Variants in COL12A1 observed in about 807,000 individuals in gnomAD.
The protein encoded by COL12A1 is collagen alpha-1(XII) chain.
In COL12A1, 114 loss-of-function variants were observed where a neutral mutation model predicts 349.7. The ratio of observed to expected loss-of-function variants is 0.33; its 90% CI spans 0.28 to 0.38. The LOEUF (loss-of-function observed/expected upper bound fraction) is 0.38, where lower values mean the gene tolerates loss of function less well. COL12A1 is among the 10% of genes least tolerant of loss of function. COL12A1 has a pLI of 1.00. For synonymous variants in COL12A1, 1,369 were observed against 1,329.0 expected (o/e 1.03, Z -0.66); for missense variants, 3,284 against 3,756.9 (o/e 0.87, Z 3.29).
intron 12 of COL12A1, among the ~76,000 whole-genome samples, chr6:75,176,475 G>A (rs911678967): frequency 1.3e-5 from 2 of 150,496 alleles, no homozygotes; most frequent in African/African-American, 4.9e-5. Flanking sequence ...TGACGCAGTG[G>A]GGGAGGAGGG....
At chr6:75,164,840 C>CA (rs141997276) in intron 14 of COL12A1, among the ~76,000 whole-genome samples, 4,214 of 144,780 alleles carry the variant, frequency 0.029, 164 homozygotes, top group African/African-American at 0.095. Context: ...TAATTATTTA[C>CA]AAAAAAAAAA....
chr6:75,093,370 G>A (rs1033476876), intron 60 of COL12A1, among the ~76,000 whole-genome samples: 6 of 152,180 alleles, frequency 3.9e-5, no homozygotes, highest in Non-Finnish European at 7.3e-5. Flanking sequence ...TTAGCAAGAA[G>A]ATATCAACTG....
At chr6:75,137,613 G>A (rs182109428) in intron 30 of COL12A1, 34 bp from the exon 31 acceptor site, 100 of 1,612,164 alleles carry the variant, frequency 6.2e-5, no homozygotes, top group Non-Finnish European at 7.9e-5. Flanking sequence ...TGAGTAAGCA[G>A]ACAGAACAAT....
intron 10 of COL12A1, 92 bp from the exon 11 acceptor site, chr6:75,181,303 T>C: frequency 7.9e-7 from 1 of 1,270,864 alleles, no homozygotes; most frequent in South Asian, 1.5e-5. Context: ...ATGGCTTACA[T>C]TAATTTGGGA....
intron 2 of COL12A1, among the ~76,000 whole-genome samples, chr6:75,197,315 T>TTTCC (rs10622845): frequency 1.6e-5 from 2 of 121,780 alleles, no homozygotes; most frequent in African/African-American, 3.1e-5. Context: ...TTTCTTTTCT[T>TTTCC]TTTTTTTTTT....
At position 75,155,774 on chromosome 6, in the gene COL12A1, G is replaced by C. The variant is rs1272550670; in HGVS notation, c.3331C>G (p.Pro1111Ala). The C allele has an allele frequency of 9.3e-6, 15 of 1,613,504 alleles. No homozygotes were observed. The highest frequency in any genetic ancestry group is 1.3e-5 in the Non-Finnish European group (15 of 1,179,650). The change falls in exon 16 of 66, where the codon CCT becomes GCT. Residue 1111 changes from proline (P) to alanine (A), a missense_variant. Pro to Ala is a conservative substitution (Grantham distance 27). This residue lies in a region of COL12A1 where 2,601 missense variants were observed against 2,824.8 expected (regional missense o/e 0.92). Transcript: ENST00000322507. The part of the protein sequence containing the change: ...SSFRVTWEPA[P>A]GEVKGYKVTF... ...ACTTTATAACCCTTCACTTCCCCAG[G>C]GGCAGGCTCCCAAGTCACTCGGAAG... is the stretch of plus-strand genomic sequence containing the variant.
chr6:75,175,146 T>G lies in COL12A1; in HGVS notation c.2602A>C (p.Thr868Pro). The G allele has an allele frequency of 6.2e-7, 1 of 1,614,074 alleles. No individual in the cohort carries two copies. Among genetic ancestry groups the G allele is most frequent in the Non-Finnish European group, 8.5e-7 (1 of 1,180,002 alleles). ...CCTTCCTTCAATCCCTGCAGCACCGTATTGGTTGTATCTCCCCTCACAGTG... is the reference window on the plus strand; with the variant it reads ...CCTTCCTTCAATCCCTGCAGCACCGGATTGGTTGTATCTCCCCTCACAGTG... The part of the protein sequence containing the change: ...EVTVRGDTTN[T>P]VLQGLKEGTQ... The change falls in exon 13 of 66, where the codon ACG (threonine) becomes CCG (proline). Residue 868 changes from threonine to proline, a missense_variant. Thr to Pro is a conservative substitution (Grantham distance 38). Around this residue, in one of 2 missense-constraint regions of COL12A1, gnomAD observed 2,601 missense variants for 2,824.8 expected, o/e 0.92. Coordinates refer to ENST00000322507, the MANE Select transcript of COL12A1 (RefSeq NM_004370.6).
chr6:75,086,671 T>C, intron 65 of COL12A1, 114 bp from the exon 66 acceptor site: 1 of 369,948 alleles, frequency 2.7e-6, no homozygotes, highest in Non-Finnish European at 4.2e-6. Flanking sequence ...TATATATATA[T>C]ATCCATATAT....
At position 75,177,876 on chromosome 6, in the gene COL12A1, T is replaced by A. The variant is rs2149457025; in HGVS notation, c.2224A>T (p.Thr742Ser). ...TDETTDSFKI[T>S]WTQAPGRVLR... ...ACTCTCCCTGGAGCTTGAGTCCAAG[T>A]AATTTTGAAACTATCTGTAGTCTCA... is the stretch of plus-strand genomic sequence containing the variant. Residue 742 changes from threonine to serine, a missense_variant, in exon 12 of 66, where the codon ACT becomes TCT. Thr to Ser is a moderately conservative substitution (Grantham distance 58). This residue lies in a region of COL12A1 where 2,601 missense variants were observed against 2,824.8 expected (regional missense o/e 0.92). Transcript: ENST00000322507. 1 of 1,613,746 alleles carries A rather than the reference T, an allele frequency of 6.2e-7. No homozygotes were observed. Among genetic ancestry groups the A allele is most frequent in the Non-Finnish European group, 8.5e-7 (1 of 1,180,010 alleles).
At chr6:75,188,697 G>A (rs1769762799) in intron 7 of COL12A1, among the ~76,000 whole-genome samples, 162 bp from the exon 8 acceptor site, 1 of 152,132 alleles carries the variant, frequency 6.6e-6, no homozygotes, top group East Asian at 1.9e-4. Context: ...ACATGCAACT[G>A]TGCAGATGAC....
intron 37 of COL12A1, among the ~76,000 whole-genome samples, chr6:75,129,377 CA>C (rs772889652): frequency 3.9e-5 from 6 of 152,182 alleles, no homozygotes; most frequent in Non-Finnish European, 7.3e-5. Context: ...AAAAAGATGG[CA>C]AACCACAGAC....
At position 75,109,084 on chromosome 6, in the gene COL12A1, T is replaced by G; in HGVS notation, c.8034A>C (p.Gly2678=). ...TTTCATAACCATCAGTTGTTATATT[T>G]CCAGCTTCCTTGATGTCTTTTTCTA... ...EIIEKDIKEA[G]NITTDGYEIL... Residue 2678 remains glycine (G), a synonymous_variant, in exon 52 of 66, where the codon GGA becomes GGC. Transcript: ENST00000322507. 3.1e-6 allele frequency: 5 copies of G among 1,612,368 alleles called. No homozygotes were observed. The highest frequency in any genetic ancestry group is 4.2e-6 in the Non-Finnish European group (5 of 1,178,982).
At chr6:75,197,701 C>T (rs1582224231) in intron 2 of COL12A1, among the ~76,000 whole-genome samples, 1 of 152,056 alleles carries the variant, frequency 6.6e-6, no homozygotes, top group East Asian at 1.9e-4. Context: ...CCAAGAGAAA[C>T]AGAATGAAAA....
At chr6:75,141,877 G>T (rs1766907858) in intron 27 of COL12A1, among the ~76,000 whole-genome samples, 155 bp downstream of exon 27, 1 of 152,084 alleles carries the variant, frequency 6.6e-6, no homozygotes, top group African/African-American at 2.4e-5. Context: ...GGGACACCTT[G>T]TTACAAAAAA....
At chr6:75,187,587 T>G (rs1307665230) in intron 8 of COL12A1, among the ~76,000 whole-genome samples, 1 of 152,040 alleles carries the variant, frequency 6.6e-6, no homozygotes, top group Non-Finnish European at 1.5e-5. Flanking sequence ...GCCCATGAAG[T>G]AATGAGAGGT....
intron 13 of COL12A1, among the ~76,000 whole-genome samples, chr6:75,168,585 C>T (rs1057476340): frequency 2.0e-5 from 3 of 152,194 alleles, no homozygotes; most frequent in African/African-American, 7.2e-5. Context: ...AAAACAAAGG[C>T]TGGACCCTAC....
At chr6:75,150,852 C>A (rs1202435671) in intron 21 of COL12A1, among the ~76,000 whole-genome samples, 1 of 151,914 alleles carries the variant, frequency 6.6e-6, no homozygotes, top group East Asian at 1.9e-4. Flanking sequence ...AGCTAGAAGT[C>A]ATTGAGGTGC....
chr6:75,181,279 T>A, intron 10 of COL12A1, 68 bp from the exon 11 acceptor site: 1 of 1,427,210 alleles, frequency 7.0e-7, no homozygotes, highest in Non-Finnish European at 9.5e-7. Context: ...AACCAATATT[T>A]CAATGTTTAT....
At chr6:75,180,119 GA>G (rs1175649816) in intron 11 of COL12A1, among the ~76,000 whole-genome samples, 1 of 152,106 alleles carries the variant, frequency 6.6e-6, no homozygotes, top group African/African-American at 2.4e-5. Flanking sequence ...AACATAATAA[GA>G]ACCCCATCTT....
Sources: allele counts gnomAD v4.1 joint callset (sites outside exome capture counted in the v4.1 genomes callset), GRCh38; gene constraint gnomAD v4.1.1; regional missense constraint gnomAD v4.1.1; transcripts MANE v1.5; gene names NCBI Gene and HGNC (gene_info 2026-07-23, HGNC 2026-07-21).